Variants in PRKCE observed in about 807,000 individuals in gnomAD.
PRKCE encodes protein kinase C epsilon, also known as protein kinase C epsilon type.
In PRKCE, 16 loss-of-function variants were observed where a neutral mutation model predicts 85.4. The observed-to-expected ratio is 0.19, with a 90% confidence interval of 0.13 to 0.28. The LOEUF is 0.28. PRKCE is among the 10% of genes least tolerant of loss of function. The pLI, the probability that PRKCE is intolerant of heterozygous loss-of-function variation, is 1.00. For missense variants in PRKCE, 573 were observed against 975.2 expected (o/e 0.59, Z 5.49); for synonymous variants, 388 against 371.5 (o/e 1.04, Z -0.51).
At chr2:45,768,429 C>A (rs1394160794) in intron 1 of PRKCE, among the ~76,000 whole-genome samples, 1 of 152,126 alleles carries the variant, frequency 6.6e-6, no homozygotes, top group African/African-American at 2.4e-5. Context: ...TAGTTGGGTT[C>A]CCCCTTTCAT....
chr2:45,911,346 A>G (rs1697368804), intron 2 of PRKCE, among the ~76,000 whole-genome samples: 1 of 152,330 alleles, frequency 6.6e-6, no homozygotes, highest in East Asian at 1.9e-4. Context: ...GCTAGACAGC[A>G]TGTGCACTGC....
chr2:45,974,535 A>T (rs1295012962), intron 2 of PRKCE, among the ~76,000 whole-genome samples: 2 of 152,214 alleles, frequency 1.3e-5, no homozygotes, highest in Non-Finnish European at 2.9e-5. Context: ...GATTTCCAAT[A>T]AACAGCTGCC....
intron 10 of PRKCE, among the ~76,000 whole-genome samples, chr2:46,036,716 G>A (rs971773624): frequency 6.6e-6 from 1 of 152,114 alleles, no homozygotes; most frequent in Admixed American, 6.5e-5. Flanking sequence ...GTCAAGGAAG[G>A]CCTCTTGCAA....
chr2:46,184,235 G>A lies in PRKCE; in HGVS notation c.2068-500G>A, dbSNP rs552517560. On this transcript the variant is annotated intron_variant, in intron 14 of 14. Transcript: ENST00000306156. This position sits in a 1 kb window ranked among gnomAD's most constrained non-coding sequence, Gnocchi z 5.0. ...GCACAAAATTGGGTTCGTGGTGAGAGTAAGTGGAAATCGAGGCAGGCTTGT... is the reference window on the plus strand; with the variant it reads ...GCACAAAATTGGGTTCGTGGTGAGAATAAGTGGAAATCGAGGCAGGCTTGT... 6.6e-6 allele frequency among the ~76,000 whole-genome samples: 1 copy of A among 152,304 alleles called. No individual in the cohort carries two copies. The highest frequency in any genetic ancestry group is 2.1e-4 in the South Asian group (1 of 4,826).
At chr2:45,709,999 TG>T (rs1347332597) in intron 1 of PRKCE, among the ~76,000 whole-genome samples, 1 of 152,156 alleles carries the variant, frequency 6.6e-6, no homozygotes, top group African/African-American at 2.4e-5. Context: ...TTAGTAGAGA[TG>T]GGGTTTCACC....
intron 1 of PRKCE, among the ~76,000 whole-genome samples, chr2:45,790,044 G>A (rs1451437613): frequency 6.6e-6 from 1 of 152,198 alleles, no homozygotes; most frequent in Non-Finnish European, 1.5e-5. Flanking sequence ...CTGAATTACA[G>A]AGCTGGCAGG....
chr2:45,710,158 C>T (rs1252944602), intron 1 of PRKCE, among the ~76,000 whole-genome samples: 1 of 152,178 alleles, frequency 6.6e-6, no homozygotes, highest in African/African-American at 2.4e-5. Flanking sequence ...CGTTCTTGGA[C>T]TTTTCTGTGT....
At chr2:45,759,002 C>A (rs1684226184) in intron 1 of PRKCE, among the ~76,000 whole-genome samples, 2 of 152,286 alleles carry the variant, frequency 1.3e-5, no homozygotes, top group South Asian at 4.1e-4. Flanking sequence ...CATGAGATAG[C>A]AGGAGAGCTT....
intron 1 of PRKCE, among the ~76,000 whole-genome samples, chr2:45,789,429 T>C (rs1686863500): frequency 6.6e-6 from 1 of 152,268 alleles, no homozygotes; most frequent in African/African-American, 2.4e-5. Flanking sequence ...TAGTGAGACC[T>C]TGGCTCTACA....
chr2:45,724,910 G>A (rs545613870), intron 1 of PRKCE, among the ~76,000 whole-genome samples: 1 of 152,344 alleles, frequency 6.6e-6, no homozygotes, highest in Admixed American at 6.5e-5. Flanking sequence ...AGCAGCAAGT[G>A]CTGATGGAGA....
chr2:46,183,571 C>T (rs1680203989), intron 14 of PRKCE, among the ~76,000 whole-genome samples: 1 of 152,200 alleles, frequency 6.6e-6, no homozygotes, highest in Non-Finnish European at 1.5e-5. Flanking sequence ...AGGGGACCTG[C>T]TATTGAAGGC....
chr2:45,863,518 C>A (rs763689308), intron 2 of PRKCE, among the ~76,000 whole-genome samples: 2 of 152,018 alleles, frequency 1.3e-5, no homozygotes, highest in Admixed American at 1.3e-4. Context: ...CCCTACCTTC[C>A]TTGTTTGTTA....
intron 1 of PRKCE, among the ~76,000 whole-genome samples, chr2:45,707,611 A>G (rs1343294861): frequency 2.6e-5 from 4 of 152,162 alleles, no homozygotes; most frequent in Admixed American, 1.3e-4. Flanking sequence ...CTGTTCATGG[A>G]AGTCAAGGAT....
At chr2:46,096,426 A>G (rs1416049462) in intron 11 of PRKCE, among the ~76,000 whole-genome samples, 2 of 152,180 alleles carry the variant, frequency 1.3e-5, no homozygotes, top group African/African-American at 4.8e-5. Context: ...TGAAGCTCCA[A>G]TCCCCAGTAC....
intron 1 of PRKCE, among the ~76,000 whole-genome samples, chr2:45,794,486 C>CA (rs1687265958): frequency 6.6e-6 from 1 of 152,110 alleles, no homozygotes; most frequent in South Asian, 2.1e-4. Context: ...AGCAGGGTGC[C>CA]AATTCGTTCT....
intron 1 of PRKCE, among the ~76,000 whole-genome samples, chr2:45,706,512 C>G (rs1216677834): frequency 6.6e-6 from 1 of 152,216 alleles, no homozygotes; most frequent in East Asian, 1.9e-4. Flanking sequence ...TGAGAGGTGT[C>G]TGAGAAGACT....
intron 11 of PRKCE, among the ~76,000 whole-genome samples, chr2:46,107,007 T>G (rs1436535207): frequency 6.6e-6 from 1 of 152,254 alleles, no homozygotes. Context: ...AAATAATTTT[T>G]CAAATTTGAG....
chr2:45,951,506 A>C (rs904225555), intron 2 of PRKCE, among the ~76,000 whole-genome samples: 1 of 152,206 alleles, frequency 6.6e-6, no homozygotes, highest in Non-Finnish European at 1.5e-5. Context: ...TGGGCCCAGA[A>C]AGACAGCCCT....
At chr2:45,920,575 G>A (rs74889586) in intron 2 of PRKCE, among the ~76,000 whole-genome samples, 9,801 of 152,250 alleles carry the variant, frequency 0.064, 577 homozygotes, top group East Asian at 0.27. Context: ...AAGGAATGAA[G>A]CACTGACATG....
Sources: gnomAD v4.1 joint callset for allele counts (sites outside exome capture counted in the v4.1 genomes callset) on GRCh38, gnomAD v4.1.1 for gene constraint, Gnocchi (gnomAD v3.1) non-coding constraint, MANE v1.5 for transcripts, NCBI Gene and HGNC (gene_info 2026-07-23, HGNC 2026-07-21) for gene names.